EFCAB5: variants seen among roughly 807,000 people sequenced by gnomAD.
EFCAB5 encodes the protein EF-hand calcium binding domain 5.
EFCAB5 carries 131 observed loss-of-function variants against 167.9 expected under a neutral mutation model. That is an observed-to-expected ratio of 0.78 (90% CI 0.68 to 0.90). The LOEUF (loss-of-function observed/expected upper bound fraction) is 0.90, where lower values mean the gene tolerates loss of function less well. Among genes scored for constraint, EFCAB5 ranks in the 40% least tolerant of loss-of-function variants. The pLI is 0.00. For synonymous variants in EFCAB5, 574 were observed against 602.8 expected, an observed-to-expected ratio of 0.95 and a Z score of 0.70; for missense variants, 1,663 against 1,745.2, an observed-to-expected ratio of 0.95 and a Z score of 0.84.
At chr17:29,950,302 TC>T (rs2067482659) in intron 3 of EFCAB5, among the ~76,000 whole-genome samples, 1 of 151,540 alleles carries the variant, frequency 6.6e-6, no homozygotes, top group South Asian at 2.1e-4. Flanking sequence ...CTTCCTCTCT[TC>T]CTTCCTTCCC....
At chr17:29,968,263 C>T in intron 3 of EFCAB5, 1 of 430,998 alleles carries the variant, frequency 2.3e-6, no homozygotes, top group Non-Finnish European at 4.6e-6. Flanking sequence ...CAAACCCTGG[C>T]ACCAAGAAAT....
intron 3 of EFCAB5, among the ~76,000 whole-genome samples, chr17:29,944,233 A>G (rs2067351514): frequency 1.3e-5 from 2 of 151,520 alleles, no homozygotes; most frequent in Admixed American, 6.6e-5. Context: ...ACATTACCTC[A>G]CCTAGCTAGT....
intron 8 of EFCAB5, among the ~76,000 whole-genome samples, chr17:30,045,279 A>G (rs1393498267): frequency 6.6e-6 from 1 of 151,956 alleles, no homozygotes; most frequent in African/African-American, 2.4e-5. Context: ...CAACATGGCA[A>G]ACACCCTTCT....
At chr17:29,945,208 G>A (rs972776494) in intron 3 of EFCAB5, among the ~76,000 whole-genome samples, 2 of 151,874 alleles carry the variant, frequency 1.3e-5, no homozygotes, top group Non-Finnish European at 2.9e-5. Context: ...AGTATTGAAT[G>A]TTTAGTATAC....
At position 30,057,818 on chromosome 17, in the gene EFCAB5, C is replaced by T. The variant is rs566195712; in HGVS notation, c.2508C>T (p.Ser836=). ...FVGEDAPLSV[S]ETLTSFFKEG... ...GTGAAGACGCTCCCTTGAGTGTCAG[C>T]GAGACTCTCACCTCCTTTTTTAAGG... Residue 836 remains serine (S), a synonymous_variant, in exon 13 of 23, where the codon AGC becomes AGT. Coordinates refer to ENST00000394835, the MANE Select transcript of EFCAB5 (RefSeq NM_198529.4). 1.1e-5 allele frequency: 17 copies of T among 1,613,694 alleles called. 1 individual carries two copies. The African/African-American group carries it at 1.5e-4, about 14-fold the overall frequency.
intron 8 of EFCAB5, among the ~76,000 whole-genome samples, chr17:30,049,205 T>C (rs1219948880): frequency 4.6e-5 from 7 of 152,046 alleles, no homozygotes; most frequent in Non-Finnish European, 1.0e-4. Context: ...CCCATAAAAA[T>C]ACAGGGTTTA....
intron 14 of EFCAB5, among the ~76,000 whole-genome samples, chr17:30,070,080 GTTTAA>G (rs926122768): frequency 6.6e-6 from 1 of 152,132 alleles, no homozygotes; most frequent in Admixed American, 6.5e-5. Flanking sequence ...GAAGAACATA[GTTTAA>G]TAACGTCTCT....
intron 14 of EFCAB5, among the ~76,000 whole-genome samples, chr17:30,060,723 G>T (rs892776727): frequency 6.6e-6 from 1 of 152,138 alleles, no homozygotes; most frequent in African/African-American, 2.4e-5. Flanking sequence ...GCATGTCTTA[G>T]GATACATCCA....
chr17:30,026,291 C>T (rs2069321060), intron 7 of EFCAB5, among the ~76,000 whole-genome samples: 2 of 152,036 alleles, frequency 1.3e-5, no homozygotes, highest in South Asian at 4.1e-4. Flanking sequence ...GTGCCGAGTT[C>T]CCTATACAAG....
At chr17:30,035,634 G>A (rs773580670) in intron 8 of EFCAB5, among the ~76,000 whole-genome samples, 14 of 152,272 alleles carry the variant, frequency 9.2e-5, no homozygotes, top group South Asian at 2.1e-4. Context: ...ACAGTAAACC[G>A]TGAAAATGTG....
chr17:30,045,356 G>C (rs1337336953), intron 8 of EFCAB5, among the ~76,000 whole-genome samples: 1 of 151,050 alleles, frequency 6.6e-6, no homozygotes, highest in African/African-American at 2.4e-5. Flanking sequence ...TACTCAGGAA[G>C]CTGAGGCAGG....
intron 3 of EFCAB5, among the ~76,000 whole-genome samples, chr17:29,962,109 G>T (rs899904412): frequency 6.6e-6 from 1 of 152,098 alleles, no homozygotes; most frequent in African/African-American, 2.4e-5. Context: ...CTCAGAGTTG[G>T]GTAGTGTGAA....
At chr17:30,058,978 A>C (rs1203319402) in intron 13 of EFCAB5, 1 of 149,346 alleles carries the variant, frequency 6.7e-6, no homozygotes, top group Non-Finnish European at 1.5e-5. Flanking sequence ...GGTTTGTAGA[A>C]TAAATTTGAA....
At chr17:29,949,718 A>G (rs1183911785) in intron 3 of EFCAB5, among the ~76,000 whole-genome samples, 3 of 152,148 alleles carry the variant, frequency 2.0e-5, no homozygotes, top group Non-Finnish European at 4.4e-5. Flanking sequence ...TGATTTGTTG[A>G]CCCTGCTGTT....
chr17:30,049,479 CAAAACAAAAACA>C (rs558045566), intron 8 of EFCAB5, among the ~76,000 whole-genome samples: 2 of 141,260 alleles, frequency 1.4e-5, no homozygotes, highest in Non-Finnish European at 3.1e-5. Flanking sequence ...GACTGTGTCT[CAAAACAAAAACA>C]AAAACAAAAA....
intron 15 of EFCAB5, among the ~76,000 whole-genome samples, chr17:30,079,463 A>C (rs1348532357): frequency 6.6e-6 from 1 of 152,220 alleles, no homozygotes; most frequent in African/African-American, 2.4e-5. Context: ...TGTTTAATGT[A>C]TATATTGACA....
intron 14 of EFCAB5, among the ~76,000 whole-genome samples, chr17:30,064,698 T>A (rs570667400): frequency 6.6e-6 from 1 of 152,246 alleles, no homozygotes; most frequent in African/African-American, 2.4e-5. Context: ...CAGCCTAAAA[T>A]TCCTCTCCAA....
chr17:30,077,631 G>T (rs907045545), intron 14 of EFCAB5, among the ~76,000 whole-genome samples: 1 of 152,148 alleles, frequency 6.6e-6, no homozygotes, highest in Admixed American at 6.5e-5. Context: ...TGCAAGACAT[G>T]GACAGGGACC....
At chr17:29,976,259 G>A (rs2068061514) in intron 4 of EFCAB5, among the ~76,000 whole-genome samples, 1 of 152,162 alleles carries the variant, frequency 6.6e-6, no homozygotes, top group African/African-American at 2.4e-5. Flanking sequence ...CCATGACACA[G>A]GAGAATTAGG....
Sources: gnomAD v4.1 joint callset for allele counts (sites outside exome capture counted in the v4.1 genomes callset) on GRCh38, gnomAD v4.1.1 for gene constraint, MANE v1.5 for transcripts, NCBI Gene and HGNC (gene_info 2026-07-23, HGNC 2026-07-21) for gene names.